Variants in SCLY observed in about 807,000 individuals in gnomAD.
SCLY encodes selenocysteine lyase.
A neutral mutation model predicts 50.1 loss-of-function variants in SCLY; 38 were observed. That is an observed-to-expected ratio of 0.76 (90% CI 0.59 to 0.99). SCLY has a LOEUF of 0.99. SCLY is among the 50% of genes least tolerant of loss of function. The pLI is 0.00. For synonymous variants in SCLY, 243 were observed against 249.4 expected (o/e 0.97, Z 0.24); for missense variants, 600 against 620.0 (o/e 0.97, Z 0.34).
At chr2:238,089,349 C>T (rs2065336237) in intron 7 of SCLY, among the ~76,000 whole-genome samples, 1 of 152,050 alleles carries the variant, frequency 6.6e-6, no homozygotes, top group Non-Finnish European at 1.5e-5. Flanking sequence ...CTATCAAAAT[C>T]CCAGCAAGTA....
chr2:238,090,212 C>T (rs2065347836), intron 7 of SCLY, among the ~76,000 whole-genome samples: 1 of 152,166 alleles, frequency 6.6e-6, no homozygotes, highest in African/African-American at 2.4e-5. Flanking sequence ...ATTAAAACCA[C>T]CAGATATCAC....
chr2:238,091,560 G>GTT, intron 8 of SCLY: 3 of 313,484 alleles, frequency 9.6e-6, no homozygotes, highest in East Asian at 6.6e-5. Context: ...CATTCCCAAA[G>GTT]GCGTCGGCAG....
chr2:238,089,570 C>T (rs147121420), intron 7 of SCLY, among the ~76,000 whole-genome samples: 153 of 152,190 alleles, frequency 1.0e-3, no homozygotes, highest in Admixed American at 3.7e-3. Flanking sequence ...AGGCTGCATG[C>T]GGCCCAGGAC....
intron 4 of SCLY, among the ~76,000 whole-genome samples, chr2:238,070,852 G>A (rs10198137): frequency 6.8e-6 from 1 of 148,094 alleles, no homozygotes; most frequent in Non-Finnish European, 1.5e-5. Context: ...TTTTCTTTGA[G>A]ATGGAGTCTC....
chr2:238,072,698 A>G (rs971452590), intron 4 of SCLY, among the ~76,000 whole-genome samples: 1 of 152,180 alleles, frequency 6.6e-6, no homozygotes, highest in Non-Finnish European at 1.5e-5. Context: ...AAAAATGTCT[A>G]TTAAAGTCCT....
chr2:238,077,920 C>T (rs2065189753), intron 4 of SCLY, among the ~76,000 whole-genome samples: 1 of 151,432 alleles, frequency 6.6e-6, no homozygotes, highest in Non-Finnish European at 1.5e-5. Flanking sequence ...CCCAAGATCC[C>T]TGAACAAGAC....
In SCLY at chr2:238,098,618, TGGGACCGCCCAC is replaced by T; in HGVS notation, c.*264_*275del. ...GACCGCCCACATAGGACCGCCCACA[TGGGACCGCCCAC>T]ATGGGACCGCCCACATGGGACCGCC... On this transcript the variant is annotated 3_prime_UTR_variant, in exon 12 of 12. Transcript: ENST00000254663. The T allele has an allele frequency of 2.3e-6, 1 of 435,934 alleles. No individual in the cohort carries two copies. Among genetic ancestry groups the T allele is most frequent in the Non-Finnish European group, 4.0e-6 (1 of 248,222 alleles). The allele number at this position is 435,934 out of a possible 1,614,324, so 27.0% of individuals were successfully genotyped here.
At position 238,096,783 on chromosome 2, in the gene SCLY, T is replaced by G. The variant is rs199859776; in HGVS notation, c.1109-18T>G. 74 of 1,602,360 alleles carry G rather than the reference T, an allele frequency of 4.6e-5. No homozygotes were observed. The East Asian group carries it at 1.6e-3, about 35-fold the overall frequency. On this transcript the variant is annotated intron_variant, in intron 10 of 11. Transcript: ENST00000254663. ...TGGCTGGAGCCCCATCTCAGGGGCA[T>G]GTGCTCTGTCTCCGCAGGCCACGTG...
chr2:238,066,582 T>G lies in SCLY; in HGVS notation c.203-1483T>G, dbSNP rs2065073272. ...AGAACATCACAGCAGTGGCCTTGGC[T>G]TGGTTGGTGGCTGGGCGGTGGAGAG... is the stretch of plus-strand genomic sequence containing the variant. On this transcript the variant is annotated intron_variant, in intron 2 of 11. Transcript: ENST00000254663. The surrounding 1 kb of genome is among the most constrained non-coding windows in gnomAD (Gnocchi z 4.1). Among the ~76,000 whole-genome samples the G allele has an allele frequency of 6.6e-6, 1 of 152,124 alleles. No individual in the cohort carries two copies. Among genetic ancestry groups the G allele is most frequent in the African/African-American group, 2.4e-5 (1 of 41,426 alleles).
At position 238,091,224 on chromosome 2, in the gene SCLY, G is replaced by A. The variant is rs868749342; in HGVS notation, c.891G>A (p.Glu297=). ...GQERNFRPGT[E]NTPMIAGLGK... ...AATCCCTTGTTTCTTACAGGACAGA[G>A]AACACCCCAATGATTGCTGGCCTTG... The change falls in exon 8 of 12, where the codon GAG becomes GAA. Residue 297 remains glutamate, a synonymous_variant. Coordinates refer to ENST00000254663, the MANE Select transcript of SCLY (RefSeq NM_016510.7). 1 of 1,613,438 alleles carries A rather than the reference G, an allele frequency of 6.2e-7. No homozygotes were observed. The highest frequency in any genetic ancestry group is 1.7e-4 in the Middle Eastern group (1 of 6,028).
chr2:238,092,649 CATCTGCACCTGTAATGGCACAA>C (rs2065376932), intron 8 of SCLY: 2 of 152,522 alleles, frequency 1.3e-5, no homozygotes. Flanking sequence ...CCTGCAGCTG[CATCTGCACCTGTAATGGCACAA>C]GTGCCACAGC....
rs71402761 is a variant in SCLY, at chr2:238,076,100, A to AT, written c.485-5595dup. On this transcript the variant is annotated intron_variant, in intron 4 of 11. Coordinates refer to ENST00000254663, the MANE Select transcript of SCLY (RefSeq NM_016510.7). ...AGGTGGAAGATTAGTTATGATTTGT[A>AT]TTTTTTTTTTTTTTGAGACAGAGTC... 1.4e-3 allele frequency among the ~76,000 whole-genome samples: 151 copies of AT among 106,166 alleles called. 2 individuals carry two copies. The Middle Eastern group carries it at 0.023, about 16-fold the overall frequency. The allele number at this position is 106,166 out of a possible 152,430, so 69.6% of individuals were successfully genotyped here. A position where few individuals can be genotyped will look rare whatever the true frequency, so the allele number is the denominator to read the frequency against.
In SCLY at chr2:238,069,445, C is replaced by A; in HGVS notation, c.452C>A (p.Pro151His). Residue 151 changes from proline (P) to histidine (H), a missense_variant, in exon 4 of 12, where the codon CCC becomes CAC. By Grantham distance (77) the Pro-to-His change is moderately conservative. Coordinates refer to ENST00000254663, the MANE Select transcript of SCLY (RefSeq NM_016510.7). The surrounding 1 kb of genome is among the most constrained non-coding windows in gnomAD (Gnocchi z 5.0). ...GTGGAACACGACTCCATCCGGCTGC[C>A]CCTGGAGCACCTGGTGGAAGAACAA... is the stretch of plus-strand genomic sequence containing the variant. Reference protein sequence around the residue: ...SSVEHDSIRLPLEHLVEEQVA... With the variant: ...SSVEHDSIRLHLEHLVEEQVA... 6.2e-7 allele frequency: 1 copy of A among 1,613,272 alleles called. No individual in the cohort carries two copies. The highest frequency in any genetic ancestry group is 8.5e-7 in the Non-Finnish European group (1 of 1,179,602).
chr2:238,063,896 G>A (rs954056069), intron 1 of SCLY, among the ~76,000 whole-genome samples: 13 of 152,148 alleles, frequency 8.5e-5, no homozygotes, highest in Non-Finnish European at 1.6e-4. Flanking sequence ...TCCTACCAAG[G>A]GGTAGAAAGA....
In SCLY at chr2:238,067,207, G is replaced by A. The variant is rs1182514067; in HGVS notation, c.203-858G>A. Among the ~76,000 whole-genome samples, 1 of 152,160 alleles carries A rather than the reference G, an allele frequency of 6.6e-6. No homozygotes were observed. Among genetic ancestry groups the A allele is most frequent in the Non-Finnish European group, 1.5e-5 (1 of 68,018 alleles). On this transcript the variant is annotated intron_variant, in intron 2 of 11. Coordinates refer to ENST00000254663, the MANE Select transcript of SCLY (RefSeq NM_016510.7). The surrounding 1 kb of genome is among the most constrained non-coding windows in gnomAD (Gnocchi z 4.3). ...GAGTTTTCCTAAACACCACTTAGGT[G>A]TTTAGGAAACTACTACTAAAACTGA...
intron 4 of SCLY, 146 bp from the exon 5 acceptor site, chr2:238,081,563 G>A: frequency 8.9e-7 from 1 of 1,127,928 alleles, no homozygotes; most frequent in Admixed American, 2.8e-5. Context: ...GTGATGATGG[G>A]CGGCTTATAT....
chr2:238,064,406 A>T lies in SCLY; in HGVS notation c.139A>T (p.Ile47Phe), dbSNP rs755182630. 2 of 1,611,776 alleles carry T rather than the reference A, an allele frequency of 1.2e-6. No homozygotes were observed. The highest frequency in any genetic ancestry group is 1.7e-6 in the Non-Finnish European group (2 of 1,179,180). The change falls in exon 2 of 12, where the codon ATC (isoleucine) becomes TTC (phenylalanine). Residue 47 changes from isoleucine to phenylalanine, a missense_variant. By Grantham distance (21) the Ile-to-Phe change is conservative (BLOSUM62 0). Coordinates refer to ENST00000254663, the MANE Select transcript of SCLY (RefSeq NM_016510.7). ...AACGACTCCCCTGGAGCCAGAAGTT[A>T]TCCAGGCCATGACCAAGGCCATGTG... ...NATTPLEPEV[I>F]QAMTKAMWEA...
chr2:238,071,483 C>T (rs1158269397), intron 4 of SCLY, among the ~76,000 whole-genome samples: 1 of 147,858 alleles, frequency 6.8e-6, no homozygotes, highest in African/African-American at 2.7e-5. Context: ...GTGGTGGGCA[C>T]CTATAATCCC....
chr2:238,065,981 A>G (rs1273434968), intron 2 of SCLY, among the ~76,000 whole-genome samples: 1 of 152,114 alleles, frequency 6.6e-6, no homozygotes, highest in Non-Finnish European at 1.5e-5. Flanking sequence ...CCTAAATATT[A>G]TCTAAAGCCT....
Sources: gnomAD v4.1 joint callset for allele counts (sites outside exome capture counted in the v4.1 genomes callset) on GRCh38, gnomAD v4.1.1 for gene constraint, Gnocchi (gnomAD v3.1) non-coding constraint, MANE v1.5 for transcripts, NCBI Gene and HGNC (gene_info 2026-07-23, HGNC 2026-07-21) for gene names.